The following UNC5B variants were observed in gnomAD, a reference collection of about 807,000 sequenced individuals.
The protein encoded by UNC5B is unc-5 netrin receptor B.
In UNC5B, 56 loss-of-function variants were observed where a neutral mutation model predicts 103.7. The observed-to-expected ratio is 0.54, with a 90% CI of 0.44 to 0.67. UNC5B has a LOEUF of 0.67. Among genes scored for constraint, UNC5B ranks in the 30% least tolerant of loss-of-function variants. The pLI, the probability that UNC5B is intolerant of heterozygous loss-of-function variation, is 0.00. For missense variants in UNC5B, 1,194 were observed against 1,284.5 expected, an observed-to-expected ratio of 0.93 and a Z score of 1.08; for synonymous variants, 577 against 542.0, an observed-to-expected ratio of 1.06 and a Z score of -0.90.
At chr10:71,293,380 T>A in intron 11 of UNC5B, 25 bp from the exon 12 acceptor site, 2 of 1,588,544 alleles carry the variant, frequency 1.3e-6, no homozygotes, top group Non-Finnish European at 1.7e-6. Flanking sequence ...TCACTGCCTC[T>A]CTCCTACCCT....
intron 2 of UNC5B, among the ~76,000 whole-genome samples, chr10:71,280,849 C>G (rs1346981602): frequency 1.3e-5 from 2 of 152,202 alleles, no homozygotes; most frequent in East Asian, 3.8e-4. Context: ...AGATGGGACC[C>G]CCCCTTCAGT....
At chr10:71,225,050 C>T (rs1843533283) in intron 1 of UNC5B, among the ~76,000 whole-genome samples, 1 of 152,146 alleles carries the variant, frequency 6.6e-6, no homozygotes, top group African/African-American at 2.4e-5. Context: ...TTTGGGAGAG[C>T]CTGCCTTGTT....
At chr10:71,289,023 C>G (rs779341227) in intron 8 of UNC5B, 33 bp downstream of exon 8, 3 of 1,614,178 alleles carry the variant, frequency 1.9e-6, no homozygotes, top group Non-Finnish European at 2.5e-6. Flanking sequence ...CCTCTTTCCT[C>G]TGGGGGATCC....
At chr10:71,284,945 T>TGG in intron 3 of UNC5B, 82 bp downstream of exon 3, 1 of 1,508,276 alleles carries the variant, frequency 6.6e-7, no homozygotes, top group Non-Finnish European at 8.8e-7. Flanking sequence ...TTCACATCTG[T>TGG]GGGGCCTCCT....
chr10:71,293,360 G>A (rs770132206), intron 11 of UNC5B, 45 bp from the exon 12 acceptor site: 1 of 1,564,718 alleles, frequency 6.4e-7, no homozygotes. Flanking sequence ...CTGCACCTTT[G>A]CCGAGCTCTT....
Position 71,291,714 on chromosome 10 carries a change from G to A in UNC5B, c.1577G>A (p.Ser526Asn). 6.2e-7 allele frequency: 1 copy of A among 1,612,666 alleles called. No individual in the cohort carries two copies. Among genetic ancestry groups the A allele is most frequent in the Non-Finnish European group, 8.5e-7 (1 of 1,179,990 alleles). ...ARDTHFLHLR[S>N]ASLGSQQLLG... ...GACACCCACTTCCTGCACCTGCGCAGCGCCAGCCTCGGTTCCCAGCAGCTC... is the reference window on the plus strand; with the variant it reads ...GACACCCACTTCCTGCACCTGCGCAACGCCAGCCTCGGTTCCCAGCAGCTC... The change falls in exon 10 of 17, where the codon AGC (serine) becomes AAC (asparagine). Residue 526 changes from serine (S) to asparagine (N), a missense_variant. Physicochemically the swap from Ser to Asn is conservative, Grantham distance 46 (BLOSUM62 1). Transcript: ENST00000335350.
chr10:71,238,903 C>T (rs535181851), intron 1 of UNC5B, among the ~76,000 whole-genome samples: 1 of 152,212 alleles, frequency 6.6e-6, no homozygotes, highest in Non-Finnish European at 1.5e-5. Context: ...CCCAGCCTCC[C>T]TAGTAGCTAG....
intron 1 of UNC5B, among the ~76,000 whole-genome samples, chr10:71,221,761 G>A (rs576967646): frequency 3.2e-4 from 49 of 152,284 alleles, no homozygotes; most frequent in Non-Finnish European, 5.9e-4. Context: ...ATGTTTAGAG[G>A]GCAGGCTGTG....
At chr10:71,230,931 G>A (rs1341057865) in intron 1 of UNC5B, among the ~76,000 whole-genome samples, 1 of 152,220 alleles carries the variant, frequency 6.6e-6, no homozygotes, top group Non-Finnish European at 1.5e-5. Flanking sequence ...GGGATTTGGG[G>A]TGTGGCTGGG....
chr10:71,249,208 C>T (rs1844118468), intron 1 of UNC5B, among the ~76,000 whole-genome samples: 1 of 152,236 alleles, frequency 6.6e-6, no homozygotes, highest in South Asian at 2.1e-4. Flanking sequence ...TGTGGGCTGG[C>T]ACCAGCTACA....
chr10:71,215,472 C>G (rs1843310833), intron 1 of UNC5B, among the ~76,000 whole-genome samples: 1 of 152,164 alleles, frequency 6.6e-6, no homozygotes, highest in African/African-American at 2.4e-5. Flanking sequence ...CCCACCCCAC[C>G]CCATCCCTGG....
intron 11 of UNC5B, 81 bp from the exon 12 acceptor site, chr10:71,293,324 G>A: frequency 6.7e-7 from 1 of 1,490,600 alleles, no homozygotes; most frequent in Admixed American, 2.1e-5. Flanking sequence ...CCGGGCCCTG[G>A]GCAGACTTGG....
Position 71,285,367 on chromosome 10 carries a change from G to T in UNC5B, c.490G>T (p.Val164Leu), listed in dbSNP as rs773593946. 37 of 1,611,662 alleles carry T rather than the reference G, an allele frequency of 2.3e-5. No homozygotes were observed. The Admixed American group carries it at 2.3e-4, about 10-fold the overall frequency. Residue 164 changes from valine (V) to leucine (L), a missense_variant, in exon 4 of 17, where the codon GTG (valine) becomes TTG (leucine). By Grantham distance (32) the Val-to-Leu change is conservative (BLOSUM62 1). Transcript: ENST00000335350. The part of the protein sequence containing the change: ...NFDQEPLGKE[V>L]PLDHEVLLQC... ...CGATCAGGAGCCTCTGGGCAAGGAG[G>T]TGCCCCTGGACCATGAGGTTCTCCT...
At chr10:71,228,174 G>A (rs1843612223) in intron 1 of UNC5B, among the ~76,000 whole-genome samples, 2 of 152,178 alleles carry the variant, frequency 1.3e-5, no homozygotes, top group South Asian at 4.1e-4. Flanking sequence ...GGTGAAATTT[G>A]ATTCAAGTCT....
At chr10:71,243,818 G>A (rs1477360928) in intron 1 of UNC5B, among the ~76,000 whole-genome samples, 2 of 152,274 alleles carry the variant, frequency 1.3e-5, no homozygotes, top group Non-Finnish European at 1.5e-5. Flanking sequence ...TGTGCCTCGT[G>A]ATAATAACAT....
chr10:71,284,345 G>C (rs375459687), intron 2 of UNC5B, among the ~76,000 whole-genome samples: 59 of 152,318 alleles, frequency 3.9e-4, no homozygotes, highest in Non-Finnish European at 4.1e-4. Flanking sequence ...GCTGCAGTGG[G>C]ATGGGGATGG....
chr10:71,213,448 G>C lies in UNC5B; in HGVS notation c.79+384G>C, dbSNP rs1236886244. Among the ~76,000 whole-genome samples, 1 of 152,098 alleles carries C rather than the reference G, an allele frequency of 6.6e-6. No homozygotes were observed. Among genetic ancestry groups the C allele is most frequent in the African/African-American group, 2.4e-5 (1 of 41,418 alleles). On this transcript the variant is annotated intron_variant, in intron 1 of 16. Coordinates refer to ENST00000335350, the MANE Select transcript of UNC5B (RefSeq NM_170744.5). This position sits in a 1 kb window ranked among gnomAD's most constrained non-coding sequence, Gnocchi z 4.1. Reference sequence around the variant, plus strand: ...GGCTACATAAGCAAGGTGTGCGCTCGCTGCCGTACGCCGGTAACTTACTAG... The same window carrying C: ...GGCTACATAAGCAAGGTGTGCGCTCCCTGCCGTACGCCGGTAACTTACTAG...
chr10:71,286,888 G>A lies in UNC5B; in HGVS notation c.733+19G>A. ...GTCTACGGTGCGGGCCTTTCGGAGT[G>A]GGAGGGGCAGACACGGCCAAGGGAG... On this transcript the variant is annotated intron_variant, in intron 5 of 16. Transcript: ENST00000335350. 1 of 1,609,972 alleles carries A rather than the reference G, an allele frequency of 6.2e-7. No homozygotes were observed. The highest frequency in any genetic ancestry group is 8.5e-7 in the Non-Finnish European group (1 of 1,177,126).
chr10:71,220,556 C>A (rs1843433336), intron 1 of UNC5B, among the ~76,000 whole-genome samples: 1 of 152,232 alleles, frequency 6.6e-6, no homozygotes, highest in South Asian at 2.1e-4. Flanking sequence ...GGCCTCCCAG[C>A]ATTGTCACTG....
Sources: gnomAD v4.1 joint callset for allele counts (sites outside exome capture counted in the v4.1 genomes callset) on GRCh38, gnomAD v4.1.1 for gene constraint, Gnocchi (gnomAD v3.1) non-coding constraint, MANE v1.5 for transcripts, NCBI Gene and HGNC (gene_info 2026-07-23, HGNC 2026-07-21) for gene names.